The following PDE3A variants were observed in gnomAD, a reference collection of about 807,000 sequenced individuals.
PDE3A encodes phosphodiesterase 3A.
A neutral mutation model predicts 98.3 loss-of-function variants in PDE3A; 43 were observed. The ratio of observed to expected loss-of-function variants is 0.44; its 90% CI spans 0.34 to 0.56. PDE3A has a LOEUF of 0.56. Among genes scored for constraint, PDE3A ranks in the 20% least tolerant of loss-of-function variants. The pLI, the probability that PDE3A is intolerant of heterozygous loss-of-function variation, is 0.01. For missense variants in PDE3A, 1,427 were observed against 1,440.7 expected, an observed-to-expected ratio of 0.99 and a Z score of 0.15; for synonymous variants, 663 against 567.9, an observed-to-expected ratio of 1.17 and a Z score of -2.38.
At chr12:20,398,146 A>G (rs183077673) in intron 1 of PDE3A, among the ~76,000 whole-genome samples, 2 of 151,884 alleles carry the variant, frequency 1.3e-5, no homozygotes, top group African/African-American at 2.4e-5. Flanking sequence ...CAAATGAGTA[A>G]TAATGATAAA....
rs555148758 is a variant in PDE3A at position 20,369,468 on chromosome 12, T to C, written c.184T>C (p.Ser62Pro). ...GCCGCTCCGGAGCTCTCGGAAACTT[T>C]CCTCCGCGCTGTGCGCGGGCTCCCT... Reference protein sequence around the residue: ...LQPLRSSRKLSSALCAGSLSF... With the variant: ...LQPLRSSRKLPSALCAGSLSF... The change falls in exon 1 of 16, where the codon TCC becomes CCC. Residue 62 changes from serine to proline, a missense_variant. By Grantham distance (74) the Ser-to-Pro change is moderately conservative. Around this residue, in one of 3 missense-constraint regions of PDE3A, gnomAD observed 1,012 missense variants for 886.5 expected, o/e 1.14. Coordinates refer to ENST00000359062, the MANE Select transcript of PDE3A (RefSeq NM_000921.5). 1.4e-5 allele frequency: 22 copies of C among 1,556,004 alleles called. No homozygotes were observed. The Admixed American group carries it at 3.8e-4, about 27-fold the overall frequency.
intron 1 of PDE3A, among the ~76,000 whole-genome samples, chr12:20,470,503 A>G (rs1197909139): frequency 6.6e-6 from 1 of 152,170 alleles, no homozygotes; most frequent in Non-Finnish European, 1.5e-5. Flanking sequence ...ACATCCTTTA[A>G]TAGCTAGTCT....
intron 1 of PDE3A, among the ~76,000 whole-genome samples, chr12:20,542,976 AT>A (rs1019810895): frequency 4.7e-4 from 71 of 152,134 alleles, no homozygotes; most frequent in African/African-American, 1.6e-3. Context: ...CCTTTATTTT[AT>A]TTTTTATTTC....
Position 20,488,377 on chromosome 12 carries a change from A to G in PDE3A, c.961-68283A>G, listed in dbSNP as rs749215251. 2.6e-4 allele frequency among the ~76,000 whole-genome samples: 40 copies of G among 152,220 alleles called. 1 individual carries two copies. Among genetic ancestry groups the G allele is most frequent in the Non-Finnish European group, 5.1e-4 (35 of 68,038 alleles). On this transcript the variant is annotated intron_variant, in intron 1 of 15. Transcript: ENST00000359062. ...CAGGAATTCTTGATATTTATTTTTA[A>G]GGATTCCATTTAATTGCTAATTACA...
At chr12:20,592,782 T>G (rs1461639177) in intron 2 of PDE3A, among the ~76,000 whole-genome samples, 1 of 152,168 alleles carries the variant, frequency 6.6e-6, no homozygotes, top group African/African-American at 2.4e-5. Context: ...CAGTAGGAGG[T>G]TGTGAGGACT....
chr12:20,437,019 G>A (rs1030157969), intron 1 of PDE3A, among the ~76,000 whole-genome samples: 2 of 149,142 alleles, frequency 1.3e-5, no homozygotes, highest in African/African-American at 4.9e-5. Flanking sequence ...TTTTCTTTTT[G>A]CCTCCTGCCT....
chr12:20,421,176 A>G (rs1944505891), intron 1 of PDE3A, among the ~76,000 whole-genome samples: 1 of 152,190 alleles, frequency 6.6e-6, no homozygotes, highest in African/African-American at 2.4e-5. Flanking sequence ...ACTATGTATT[A>G]AGGCACCGTA....
chr12:20,432,175 A>G (rs1565547218), intron 1 of PDE3A, among the ~76,000 whole-genome samples: 1 of 152,176 alleles, frequency 6.6e-6, no homozygotes, highest in Non-Finnish European at 1.5e-5. Context: ...TTCCCAGTTT[A>G]CCAGATACTT....
At chr12:20,531,028 A>G (rs1941583746) in intron 1 of PDE3A, among the ~76,000 whole-genome samples, 1 of 152,186 alleles carries the variant, frequency 6.6e-6, no homozygotes, top group Non-Finnish European at 1.5e-5. Context: ...ACCCCAAAGT[A>G]GGTTGCTTGA....
intron 15 of PDE3A, among the ~76,000 whole-genome samples, chr12:20,656,784 G>C: frequency 6.6e-6 from 1 of 152,132 alleles, no homozygotes; most frequent in South Asian, 2.1e-4. Flanking sequence ...ACTGCTCTTT[G>C]AACTCAAACA....
intron 3 of PDE3A, among the ~76,000 whole-genome samples, 188 bp from the exon 4 acceptor site, chr12:20,616,042 C>T (rs1172674654): frequency 1.3e-5 from 2 of 152,042 alleles, no homozygotes; most frequent in African/African-American, 4.8e-5. Flanking sequence ...TTATAATATG[C>T]ATTCATTTTG....
chr12:20,406,151 T>G (rs1944229222), intron 1 of PDE3A, among the ~76,000 whole-genome samples: 1 of 152,216 alleles, frequency 6.6e-6, no homozygotes, highest in Non-Finnish European at 1.5e-5. Context: ...ACACTTAGGT[T>G]GTTTCAATGT....
intron 2 of PDE3A, among the ~76,000 whole-genome samples, chr12:20,612,787 T>G (rs1037757620): frequency 4.6e-5 from 7 of 150,928 alleles, no homozygotes; most frequent in African/African-American, 1.5e-4. Context: ...TTTGTGCTCT[T>G]CGTTTCTGCT....
chr12:20,631,698 GTAT>G (rs1162189609), intron 6 of PDE3A, among the ~76,000 whole-genome samples: 20 of 44,334 alleles, frequency 4.5e-4, no homozygotes, highest in Non-Finnish European at 7.7e-4. Context: ...TCATCATAGT[GTAT>G]TTTTTTTTTT....
At chr12:20,501,351 C>T (rs113966735) in intron 1 of PDE3A, among the ~76,000 whole-genome samples, 6 of 152,162 alleles carry the variant, frequency 3.9e-5, no homozygotes, top group Admixed American at 2.6e-4. Context: ...ATAACCTCAG[C>T]GTCAAGTCAG....
intron 1 of PDE3A, among the ~76,000 whole-genome samples, chr12:20,436,964 C>T (rs1944788138): frequency 1.3e-5 from 2 of 152,062 alleles, no homozygotes; most frequent in South Asian, 4.1e-4. Flanking sequence ...TTTAATCATA[C>T]CTCCTCTACA....
intron 1 of PDE3A, among the ~76,000 whole-genome samples, chr12:20,517,828 C>T (rs992513615): frequency 6.6e-6 from 1 of 152,130 alleles, no homozygotes; most frequent in Non-Finnish European, 1.5e-5. Flanking sequence ...ACCAATCTCT[C>T]GCTAACTTGA....
rs980146669 is a variant in PDE3A at position 20,569,262 on chromosome 12, A to T, written c.1011+12552A>T. ...TAACTTCTTAATATCAGCTTCATTT[A>T]GAGAAACTATGAAATTGGAAAACTG... On this transcript the variant is annotated intron_variant, in intron 2 of 15. Coordinates refer to ENST00000359062, the MANE Select transcript of PDE3A (RefSeq NM_000921.5). Among the ~76,000 whole-genome samples the T allele has an allele frequency of 1.1e-4, 16 of 152,254 alleles. No homozygotes were observed. In the East Asian group the frequency reaches 2.3e-3, roughly 22 times the overall value.
chr12:20,665,788 G>C (rs1378846837), intron 15 of PDE3A, among the ~76,000 whole-genome samples: 1 of 151,724 alleles, frequency 6.6e-6, no homozygotes, highest in Non-Finnish European at 1.5e-5. Context: ...TTATGTTATA[G>C]TTTTCATTTG....
Sources: gnomAD v4.1 joint callset for allele counts (sites outside exome capture counted in the v4.1 genomes callset) on GRCh38, gnomAD v4.1.1 for gene constraint, gnomAD v4.1.1 regional missense constraint, MANE v1.5 for transcripts, NCBI Gene and HGNC (gene_info 2026-07-23, HGNC 2026-07-21) for gene names.